BRWD1: variants seen among roughly 807,000 people sequenced by gnomAD.
The protein encoded by BRWD1 is bromodomain and WD repeat-containing protein 1.
BRWD1 carries 82 observed loss-of-function variants against 251.2 expected under a neutral mutation model. That is an observed-to-expected ratio of 0.33 (90% CI 0.27 to 0.39). The LOEUF (loss-of-function observed/expected upper bound fraction) is 0.39. BRWD1 is among the 10% of genes least tolerant of loss of function. BRWD1 has a pLI of 1.00. For synonymous variants in BRWD1, 918 were observed against 902.8 expected (o/e 1.02, Z -0.30); for missense variants, 2,233 against 2,711.6 (o/e 0.82, Z 3.92).
In BRWD1 at chr21:39,278,773, C is replaced by T. The variant is rs760850324; in HGVS notation, c.973G>A (p.Val325Ile). 8 of 1,594,086 alleles carry T rather than the reference C, an allele frequency of 5.0e-6. No homozygotes were observed. Among genetic ancestry groups the T allele is most frequent in the Admixed American group, 1.8e-5 (1 of 56,166 alleles). ...LKFTEKPRPG[V>I]QMLCSSFSVG... ...CTAAAAGAAGAACAAAGCATTTGAA[C>T]GCCTGGCCTAGGCTTTTCAGTGAAC... The change falls in exon 10 of 41, where the codon GTT becomes ATT. Residue 325 changes from valine to isoleucine, a missense_variant. Physicochemically the swap from Val to Ile is conservative, Grantham distance 29. This residue lies in a region of BRWD1 where 315 missense variants were observed against 421.8 expected (regional missense o/e 0.75). Transcript: ENST00000342449.
rs1035136125 is a variant in BRWD1, at chr21:39,296,731, A to T, written c.350-368T>A. On this transcript the variant is annotated intron_variant, in intron 5 of 40. Transcript: ENST00000342449. Reference sequence around the variant, plus strand: ...CCTTTAAAGAGATCCACAGCAAATGATTGGTAAAAGATGGACCATAAAACC... The same window carrying T: ...CCTTTAAAGAGATCCACAGCAAATGTTTGGTAAAAGATGGACCATAAAACC... 2.0e-4 allele frequency: 148 copies of T among 752,626 alleles called. No individual in the cohort carries two copies. In the Admixed American group the frequency reaches 3.7e-3, roughly 19 times the overall value. The allele number at this position is 752,626 out of a possible 1,614,324, so 46.6% of individuals were successfully genotyped here.
At chr21:39,240,294 C>A (rs557088296) in intron 21 of BRWD1, among the ~76,000 whole-genome samples, 16 of 152,216 alleles carry the variant, frequency 1.1e-4, no homozygotes, top group African/African-American at 3.9e-4. Flanking sequence ...TAAAATCATT[C>A]TGTGTGATAT....
Position 39,210,019 on chromosome 21 carries a change from C to T in BRWD1, c.4173G>A (p.Ala1391=), listed in dbSNP as rs370916832. 3.3e-5 allele frequency: 53 copies of T among 1,613,312 alleles called. No homozygotes were observed. Among genetic ancestry groups the T allele is most frequent in the Middle Eastern group, 3.3e-4 (2 of 6,054 alleles). ...CCTTTGATCTTTTGTTTGGTGTATA[C>T]GCTTTTGCATTGCTAAATATCAGCC... is the stretch of plus-strand genomic sequence containing the variant. ...DIRLIFSNAK[A]YTPNKRSKIY... is the part of the protein sequence containing the mutation. Residue 1391 remains alanine, a synonymous_variant, in exon 36 of 41, where the codon GCG becomes GCA. Coordinates refer to ENST00000342449, the MANE Select transcript of BRWD1 (RefSeq NM_033656.4).
Position 39,258,603 on chromosome 21 carries a change from G to A in BRWD1, c.1955C>T (p.Ser652Leu), listed in dbSNP as rs751937145. The part of the protein sequence containing the change: ...TNDNDERSPE[S>L]SILDGMIRQL... ...TCTTATCATTCCATCAAGAATACTC[G>A]ATTCTGGGCTGCGTTCATCATTATC... is the stretch of plus-strand genomic sequence containing the variant. Residue 652 changes from serine to leucine, a missense_variant, in exon 18 of 41, where the codon TCG becomes TTG. Ser to Leu is a moderately radical substitution (Grantham distance 145). Around this residue, in one of 12 missense-constraint regions of BRWD1, gnomAD observed 73 missense variants for 68.1 expected, o/e 1.07. Coordinates refer to ENST00000342449, the MANE Select transcript of BRWD1 (RefSeq NM_033656.4). 6.2e-6 allele frequency: 10 copies of A among 1,612,820 alleles called. No homozygotes were observed. The highest frequency in any genetic ancestry group is 2.2e-5 in the East Asian group (1 of 44,822).
At chr21:39,230,698 C>T (rs987472907) in intron 25 of BRWD1, among the ~76,000 whole-genome samples, 5 of 151,952 alleles carry the variant, frequency 3.3e-5, no homozygotes, top group African/African-American at 7.3e-5. Flanking sequence ...GTCAGCACTA[C>T]GCTTAGGGGC....
intron 13 of BRWD1, among the ~76,000 whole-genome samples, chr21:39,272,309 TAA>T (rs1224051854): frequency 3.0e-5 from 4 of 132,900 alleles, no homozygotes; most frequent in Non-Finnish European, 4.7e-5. Flanking sequence ...CTTAAATAAA[TAA>T]AAAAAAAAAA....
chr21:39,267,167 T>G (rs1183855609), intron 15 of BRWD1, among the ~76,000 whole-genome samples: 1 of 152,056 alleles, frequency 6.6e-6, no homozygotes. Context: ...TGTACTTTGA[T>G]CATACTATTT....
Position 39,197,354 on chromosome 21 carries a change from A to G in BRWD1, c.5715T>C (p.Ser1905=). 1 of 1,613,044 alleles carries G rather than the reference A, an allele frequency of 6.2e-7. No homozygotes were observed. The highest frequency in any genetic ancestry group is 8.5e-7 in the Non-Finnish European group (1 of 1,179,650). ...CCACCTGTAAACTACTGTCTGAGTC[A>G]CTGGAACAGACCCTTTTCCTGGAAA... is the stretch of plus-strand genomic sequence containing the variant. The part of the protein sequence containing the change: ...RKISRKRVCS[S]DSDSSLQVVK... The change falls in exon 41 of 41, where the codon AGT becomes AGC. Residue 1905 remains serine, a synonymous_variant. Coordinates refer to ENST00000342449, the MANE Select transcript of BRWD1 (RefSeq NM_033656.4).
Position 39,213,542 on chromosome 21 carries a change from C to T in BRWD1, c.3797G>A (p.Cys1266Tyr). 4 of 1,610,332 alleles carry T rather than the reference C, an allele frequency of 2.5e-6. No individual in the cohort carries two copies. The change falls in exon 33 of 41, where the codon TGT becomes TAT. Residue 1266 changes from cysteine (C) to tyrosine (Y), a missense_variant. Coordinates refer to ENST00000342449, the MANE Select transcript of BRWD1 (RefSeq NM_033656.4). ...GTTAGAAAGTTCTGAGATATTTGTACAGTGTTGATTCCTAAAAAACAAATT... is the reference window on the plus strand; with the variant it reads ...GTTAGAAAGTTCTGAGATATTTGTATAGTGTTGATTCCTAAAAAACAAATT... ...QLLKFIKNQH[C>Y]TNISELSNTS...
chr21:39,239,750 G>A (rs2033927571), intron 21 of BRWD1, among the ~76,000 whole-genome samples: 1 of 152,164 alleles, frequency 6.6e-6, no homozygotes, highest in Non-Finnish European at 1.5e-5. Context: ...ATGCTGGAAA[G>A]AATTTTTTAA....
intron 8 of BRWD1, among the ~76,000 whole-genome samples, chr21:39,292,845 T>C (rs2035854842): frequency 6.6e-6 from 1 of 152,218 alleles, no homozygotes; most frequent in South Asian, 2.1e-4. Context: ...GTTTTGCTCC[T>C]GATTCAAACA....
chr21:39,302,075 C>A (rs759006370), intron 4 of BRWD1, among the ~76,000 whole-genome samples: 3 of 148,936 alleles, frequency 2.0e-5, no homozygotes, highest in Non-Finnish European at 4.4e-5. Flanking sequence ...CCTCCACCTC[C>A]CAGGTTGAAG....
Position 39,194,746 on chromosome 21 carries a change from T to A in BRWD1, c.*1513A>T. 1 of 1,535,048 alleles carries A rather than the reference T, an allele frequency of 6.5e-7. No individual in the cohort carries two copies. The highest frequency in any genetic ancestry group is 2.4e-5 in the East Asian group (1 of 40,872). On this transcript the variant is annotated 3_prime_UTR_variant, in exon 41 of 41. Coordinates refer to ENST00000342449, the MANE Select transcript of BRWD1 (RefSeq NM_033656.4). Reference sequence around the variant, plus strand: ...CTTCAAAGATACACAGGAGAAAAGGTTTTGTCTGAAACCAAACACAATTAG... The same window carrying A: ...CTTCAAAGATACACAGGAGAAAAGGATTTGTCTGAAACCAAACACAATTAG...
Position 39,196,192 on chromosome 21 carries a change from T to C in BRWD1, c.*67A>G. On this transcript the variant is annotated 3_prime_UTR_variant, in exon 41 of 41. Transcript: ENST00000342449. ...TGAATTGTAAGACAAAAAAATAATT[T>C]TAACAGCCAGCTTTCACCATAAATG... 6.7e-7 allele frequency: 1 copy of C among 1,487,274 alleles called. No individual in the cohort carries two copies. Among genetic ancestry groups the C allele is most frequent in the Non-Finnish European group, 8.9e-7 (1 of 1,123,028 alleles). The allele number at this position is 1,487,274 out of a possible 1,614,324, so 92.1% of individuals were successfully genotyped here.
Position 39,229,456 on chromosome 21 carries a change from T to A in BRWD1, c.3001-20A>T, listed in dbSNP as rs2033520775. 1 of 1,585,286 alleles carries A rather than the reference T, an allele frequency of 6.3e-7. No individual in the cohort carries two copies. Among genetic ancestry groups the A allele is most frequent in the Non-Finnish European group, 8.6e-7 (1 of 1,156,826 alleles). On this transcript the variant is annotated intron_variant, in intron 25 of 40. Coordinates refer to ENST00000342449, the MANE Select transcript of BRWD1 (RefSeq NM_033656.4). ...TTGATCCTTTAACAGACATATTTTT[T>A]AATGGTTAAAATAAAAGCAATTCCT...
intron 21 of BRWD1, among the ~76,000 whole-genome samples, chr21:39,241,004 G>A (rs1315267512): frequency 6.6e-6 from 1 of 151,444 alleles, no homozygotes; most frequent in East Asian, 2.0e-4. Context: ...GGGTTCAAAC[G>A]ATTCTCCTGT....
chr21:39,202,743 T>C (rs2150412), intron 37 of BRWD1, among the ~76,000 whole-genome samples, 198 bp from the exon 38 acceptor site: 141,092 of 152,278 alleles, frequency 0.93, 65,718 homozygotes, highest in African/African-American at 0.97. Flanking sequence ...AAATTTAACG[T>C]ACTGTTATTC....
intron 17 of BRWD1, among the ~76,000 whole-genome samples, chr21:39,263,288 A>G (rs1432960639): frequency 6.6e-6 from 1 of 152,202 alleles, no homozygotes; most frequent in Non-Finnish European, 1.5e-5. Flanking sequence ...ATCCAAACAA[A>G]CAAAATAGCA....
intron 21 of BRWD1, among the ~76,000 whole-genome samples, chr21:39,245,756 C>G (rs1042736072): frequency 6.6e-6 from 1 of 152,054 alleles, no homozygotes; most frequent in Admixed American, 6.6e-5. Context: ...CCTACCACCA[C>G]GTCAAACTAA....
Sources: gnomAD v4.1 joint callset for allele counts (sites outside exome capture counted in the v4.1 genomes callset) on GRCh38, gnomAD v4.1.1 for gene constraint, gnomAD v4.1.1 regional missense constraint, MANE v1.5 for transcripts, NCBI Gene and HGNC (gene_info 2026-07-23, HGNC 2026-07-21) for gene names.